CCSER1: variants seen among roughly 807,000 people sequenced by gnomAD.
CCSER1 encodes the protein coiled-coil serine rich protein 1.
In CCSER1, 41 loss-of-function variants were observed where a neutral mutation model predicts 82.0. The observed-to-expected ratio is 0.50, with a 90% CI of 0.39 to 0.65. CCSER1 has a LOEUF of 0.65. CCSER1 is among the 30% of genes least tolerant of loss of function. The pLI is 0.00. For missense variants in CCSER1, 1,119 were observed against 1,064.2 expected, an observed-to-expected ratio of 1.05 and a Z score of -0.72; for synonymous variants, 414 against 383.9, an observed-to-expected ratio of 1.08 and a Z score of -0.92.
chr4:90,207,281 AT>A (rs1739041287), intron 1 of CCSER1, among the ~76,000 whole-genome samples: 1 of 151,940 alleles, frequency 6.6e-6, no homozygotes, highest in Non-Finnish European at 1.5e-5. Context: ...TGCTGGATTG[AT>A]TTGTCTGTTG....
intron 3 of CCSER1, among the ~76,000 whole-genome samples, chr4:90,385,744 G>A (rs1465469523): frequency 6.6e-6 from 1 of 151,962 alleles, no homozygotes; most frequent in Non-Finnish European, 1.5e-5. Context: ...GGTTAGTGAT[G>A]TTAAGCATTT....
intron 10 of CCSER1, among the ~76,000 whole-genome samples, chr4:91,441,773 T>C (rs1357915553): frequency 6.6e-6 from 1 of 152,136 alleles, no homozygotes; most frequent in Non-Finnish European, 1.5e-5. Flanking sequence ...TTCAGCAAAG[T>C]CTCAGGATAC....
rs560422127 is a variant in CCSER1 at position 91,159,572 on chromosome 4, C to G, written c.2217+73578C>G. Among the ~76,000 whole-genome samples, 6 of 151,698 alleles carry G rather than the reference C, an allele frequency of 4.0e-5. 1 individual carries two copies. Among genetic ancestry groups the G allele is most frequent in the Non-Finnish European group, 8.8e-5 (6 of 67,874 alleles). On this transcript the variant is annotated intron_variant, in intron 10 of 10. Coordinates refer to ENST00000509176, the MANE Select transcript of CCSER1 (RefSeq NM_001145065.2). ...ATCACAGTTGAGAAGCATTTTTGTCCTTTAAGAGTGGAAGGATTCTTCCCA... is the reference window on the plus strand; with the variant it reads ...ATCACAGTTGAGAAGCATTTTTGTCGTTTAAGAGTGGAAGGATTCTTCCCA...
chr4:91,407,781 A>C (rs991432925), intron 10 of CCSER1, among the ~76,000 whole-genome samples: 3 of 152,178 alleles, frequency 2.0e-5, no homozygotes, highest in Admixed American at 2.0e-4. Flanking sequence ...TTTGTGGTCA[A>C]CACCACCCAT....
intron 10 of CCSER1, among the ~76,000 whole-genome samples, chr4:91,486,071 T>A (rs947213210): frequency 1.3e-5 from 2 of 152,012 alleles, no homozygotes; most frequent in Non-Finnish European, 1.5e-5. Flanking sequence ...GAACTATAAT[T>A]TTATTGAGAA....
rs376455578 is a variant in CCSER1 at position 90,214,500 on chromosome 4, T to C, written c.-42+86669T>C. ...GATCACTCAGCATAATCAGTAAATA[T>C]TGTTCACAAAAATGAATTAACTGTG... On this transcript the variant is annotated intron_variant, in intron 1 of 10. Coordinates refer to ENST00000509176, the MANE Select transcript of CCSER1 (RefSeq NM_001145065.2). 1.3e-3 allele frequency among the ~76,000 whole-genome samples: 201 copies of C among 152,318 alleles called. 7 individuals are homozygous for C. The South Asian group carries it at 0.04, about 30-fold the overall frequency.
intron 10 of CCSER1, among the ~76,000 whole-genome samples, chr4:91,234,686 G>A (rs1000226668): frequency 2.0e-5 from 3 of 152,076 alleles, no homozygotes; most frequent in African/African-American, 7.2e-5. Flanking sequence ...AATATTTATT[G>A]TAGTGACATT....
intron 6 of CCSER1, among the ~76,000 whole-genome samples, chr4:90,648,908 T>C (rs1226892802): frequency 6.6e-6 from 1 of 152,164 alleles, no homozygotes; most frequent in Non-Finnish European, 1.5e-5. Context: ...TGTACTAATA[T>C]AGGGAAGACA....
At chr4:90,527,099 G>A (rs1254153261) in intron 5 of CCSER1, among the ~76,000 whole-genome samples, 1 of 152,090 alleles carries the variant, frequency 6.6e-6, no homozygotes, top group African/African-American at 2.4e-5. Context: ...CTGACAAATG[G>A]GATCTAATTA....
intron 1 of CCSER1, among the ~76,000 whole-genome samples, chr4:90,172,100 C>T (rs1409285248): frequency 6.6e-6 from 1 of 151,880 alleles, no homozygotes; most frequent in Non-Finnish European, 1.5e-5. Flanking sequence ...AAAGGCCATG[C>T]TCTTTGCTCA....
intron 8 of CCSER1, among the ~76,000 whole-genome samples, chr4:90,860,012 T>C (rs1458817174): frequency 6.6e-6 from 1 of 151,660 alleles, no homozygotes; most frequent in Non-Finnish European, 1.5e-5. Context: ...TGTGAGCCTT[T>C]GTGTCAAAAT....
At chr4:90,890,862 T>A (rs1022496891) in intron 8 of CCSER1, among the ~76,000 whole-genome samples, 2 of 152,198 alleles carry the variant, frequency 1.3e-5, no homozygotes, top group Admixed American at 6.5e-5. Context: ...TTGTGTGAAC[T>A]CTAATGTCTA....
intron 10 of CCSER1, among the ~76,000 whole-genome samples, chr4:91,474,277 T>G (rs1328547449): frequency 6.6e-6 from 1 of 151,996 alleles, no homozygotes; most frequent in East Asian, 1.9e-4. Context: ...TAAAAATCTT[T>G]GTATAACAGT....
At chr4:91,164,090 G>A (rs1402448990) in intron 10 of CCSER1, among the ~76,000 whole-genome samples, 2 of 152,064 alleles carry the variant, frequency 1.3e-5, no homozygotes, top group South Asian at 2.1e-4. Flanking sequence ...TCCATATTTA[G>A]TGCTTCCTTC....
At chr4:90,161,285 C>CAACT (rs1318577575) in intron 1 of CCSER1, among the ~76,000 whole-genome samples, 1 of 152,146 alleles carries the variant, frequency 6.6e-6, no homozygotes, top group Non-Finnish European at 1.5e-5. Context: ...TTTAAAAAAA[C>CAACT]AGTTAACACT....
intron 3 of CCSER1, among the ~76,000 whole-genome samples, chr4:90,368,184 A>G (rs546365037): frequency 6.6e-6 from 1 of 152,096 alleles, no homozygotes; most frequent in South Asian, 2.1e-4. Context: ...GAGAGTTTAT[A>G]AATACCTGGT....
chr4:90,166,989 ATTCT>A (rs1243246432), intron 1 of CCSER1, among the ~76,000 whole-genome samples: 1 of 151,986 alleles, frequency 6.6e-6, no homozygotes, highest in Non-Finnish European at 1.5e-5. Flanking sequence ...ATTTAGTGAA[ATTCT>A]TTAATCAAGC....
chr4:90,686,927 A>G (rs1734908658), intron 6 of CCSER1, among the ~76,000 whole-genome samples: 1 of 152,130 alleles, frequency 6.6e-6, no homozygotes, highest in Non-Finnish European at 1.5e-5. Flanking sequence ...GAAGACATTA[A>G]CTAAACCACC....
Position 91,103,816 on chromosome 4 carries a change from A to G in CCSER1, c.2217+17822A>G, listed in dbSNP as rs191518760. On this transcript the variant is annotated intron_variant, in intron 10 of 10. Transcript: ENST00000509176. ...AGAGAATAACAGCGATTTTTAGGGA[A>G]CAAGGAAAGACAACCATAAGGTGTG... Among the ~76,000 whole-genome samples the G allele has an allele frequency of 7.5e-3, 1,146 of 152,264 alleles. 8 individuals are homozygous for G. Among genetic ancestry groups the G allele is most frequent in the Middle Eastern group, 0.044 (13 of 294 alleles).
Sources: allele counts gnomAD v4.1 joint callset (sites outside exome capture counted in the v4.1 genomes callset), GRCh38; gene constraint gnomAD v4.1.1; transcripts MANE v1.5; gene names NCBI Gene and HGNC (gene_info 2026-07-23, HGNC 2026-07-21).